Variants in ST3GAL6 observed in about 807,000 individuals in gnomAD.
ST3GAL6 encodes ST3 beta-galactoside alpha-2,3-sialyltransferase 6, also known as type 2 lactosamine alpha-2,3-sialyltransferase.
Under a neutral mutation model 40.5 loss-of-function variants are expected in ST3GAL6, and 31 were observed. That is an observed-to-expected ratio of 0.77 (90% CI 0.58 to 1.03). The LOEUF is 1.03. Among genes scored for constraint, ST3GAL6 ranks in the 50% least tolerant of loss-of-function variants. ST3GAL6 has a pLI of 0.00. For missense variants in ST3GAL6, 357 were observed against 393.2 expected, an observed-to-expected ratio of 0.91 and a Z score of 0.78; for synonymous variants, 129 against 136.9, an observed-to-expected ratio of 0.94 and a Z score of 0.40.
chr3:98,760,981 A>T (rs914490446), upstream of ST3GAL6, among the ~76,000 whole-genome samples: 5 of 152,212 alleles, frequency 3.3e-5, no homozygotes, highest in Non-Finnish European at 7.3e-5. Context: ...GATATATATT[A>T]TATGATTCAA....
Position 98,769,898 on chromosome 3 carries a change from T to A in ST3GAL6, c.90-981T>A, listed in dbSNP as rs114261953. Reference sequence around the variant, plus strand: ...ATATAATTGAGATTTTTTGGTCTAGTGTGCTGGTCCACCATATTTATGTAT... The same window carrying A: ...ATATAATTGAGATTTTTTGGTCTAGAGTGCTGGTCCACCATATTTATGTAT... On this transcript the variant is annotated intron_variant, in intron 2 of 9. Transcript: ENST00000483910. Among the ~76,000 whole-genome samples, 543 of 152,334 alleles carry A rather than the reference T, an allele frequency of 3.6e-3. 2 individuals are homozygous for A. The highest frequency in any genetic ancestry group is 5.9e-3 in the Non-Finnish European group (404 of 68,036).
At chr3:98,747,909 A>G (rs965152152) in intron 1 of ST3GAL6, among the ~76,000 whole-genome samples, 3 of 152,210 alleles carry the variant, frequency 2.0e-5, no homozygotes, top group Admixed American at 6.5e-5. Flanking sequence ...GGGGTAGGGA[A>G]GGGACCATAA....
chr3:98,759,659 C>A (rs144649707), upstream of ST3GAL6, among the ~76,000 whole-genome samples: 1 of 151,768 alleles, frequency 6.6e-6, no homozygotes, highest in Non-Finnish European at 1.5e-5. Flanking sequence ...TAGTATGATA[C>A]GTAAGTCCTC....
intron 6 of ST3GAL6, among the ~76,000 whole-genome samples, chr3:98,786,606 A>G (rs909178287): frequency 3.3e-5 from 5 of 152,176 alleles, no homozygotes; most frequent in Admixed American, 6.5e-5. Context: ...ATGTAGAGAA[A>G]CCAATGTAGT....
chr3:98,788,544 G>A (rs1334979894), intron 8 of ST3GAL6, 81 bp downstream of exon 8: 2 of 1,311,798 alleles, frequency 1.5e-6, no homozygotes, highest in Non-Finnish European at 2.0e-6. Context: ...CTCAGAAACT[G>A]TATGAGAACC....
At chr3:98,782,379 T>C (rs1320461651) in intron 5 of ST3GAL6, 1 of 682,192 alleles carries the variant, frequency 1.5e-6, no homozygotes, top group East Asian at 2.7e-5. Flanking sequence ...ATGATGCCCT[T>C]GGAAGCTCAG....
At chr3:98,771,910 G>GA (rs5851137) in intron 3 of ST3GAL6, among the ~76,000 whole-genome samples, 1 of 150,908 alleles carries the variant, frequency 6.6e-6, no homozygotes, top group Non-Finnish European at 1.5e-5. Flanking sequence ...TATATAATAA[G>GA]AAAAAAAAAG....
At chr3:98,778,426 T>C (rs1939756462) in intron 5 of ST3GAL6, among the ~76,000 whole-genome samples, 1 of 152,242 alleles carries the variant, frequency 6.6e-6, no homozygotes, top group Non-Finnish European at 1.5e-5. Flanking sequence ...CTCCCTACTT[T>C]AGACATTCTG....
At chr3:98,778,152 G>A (rs938285084) in intron 5 of ST3GAL6, among the ~76,000 whole-genome samples, 4 of 152,186 alleles carry the variant, frequency 2.6e-5, no homozygotes, top group African/African-American at 9.7e-5. Context: ...AGCACAGGTG[G>A]TTATATAGTA....
chr3:98,738,008 G>A (rs1391030185), intron 1 of ST3GAL6, among the ~76,000 whole-genome samples: 4 of 152,008 alleles, frequency 2.6e-5, no homozygotes, highest in Non-Finnish European at 4.4e-5. Flanking sequence ...GTTTCTAATC[G>A]TTTAACACCA....
At chr3:98,764,012 C>T (rs145078074) in intron 1 of ST3GAL6, among the ~76,000 whole-genome samples, 3 of 152,196 alleles carry the variant, frequency 2.0e-5, no homozygotes, top group African/African-American at 7.2e-5. Context: ...TTAGGAAGCA[C>T]CTGCTTCCAG....
intron 1 of ST3GAL6, among the ~76,000 whole-genome samples, chr3:98,739,704 G>A (rs768153059): frequency 1.6e-4 from 25 of 152,186 alleles, no homozygotes; most frequent in Non-Finnish European, 3.2e-4. Flanking sequence ...TCTATGGTTA[G>A]CATAGGGCCA....
chr3:98,788,297 G>C, intron 7 of ST3GAL6, 29 bp from the exon 8 acceptor site: 1 of 1,600,386 alleles, frequency 6.2e-7, no homozygotes, highest in Non-Finnish European at 8.5e-7. Context: ...CAGCCACACT[G>C]TTCTATTCTC....
In ST3GAL6 at chr3:98,793,850, AAAT is replaced by A; in HGVS notation, c.*93_*95del. 1.4e-6 allele frequency: 1 copy of A among 726,862 alleles called. No homozygotes were observed. Among genetic ancestry groups the A allele is most frequent in the Non-Finnish European group, 2.2e-6 (1 of 452,900 alleles). The allele number at this position is 726,862 out of a possible 1,614,324, so 45.0% of individuals were successfully genotyped here. ...TTAAAATATGTTGGATGCACTCGTCAAATAATTATGTATACTGTCTGTTGCTGC... is the reference window on the plus strand; with the variant it reads ...TTAAAATATGTTGGATGCACTCGTCAAATTATGTATACTGTCTGTTGCTGC... On this transcript the variant is annotated 3_prime_UTR_variant, in exon 10 of 10. Coordinates refer to ENST00000483910, the MANE Select transcript of ST3GAL6 (RefSeq NM_001323368.2).
chr3:98,745,255 A>G (rs1936457562), intron 1 of ST3GAL6, among the ~76,000 whole-genome samples: 1 of 152,170 alleles, frequency 6.6e-6, no homozygotes, highest in Admixed American at 6.5e-5. Context: ...GTTGGTCTCA[A>G]ACTCCTGACC....
At chr3:98,737,182 G>A (rs1935619101) in intron 1 of ST3GAL6, among the ~76,000 whole-genome samples, 2 of 152,104 alleles carry the variant, frequency 1.3e-5, no homozygotes, top group Admixed American at 6.5e-5. Flanking sequence ...CCAAGTAGCT[G>A]GGATTACAGG....
intron 1 of ST3GAL6, among the ~76,000 whole-genome samples, chr3:98,740,259 G>A (rs1471599297): frequency 7.0e-5 from 9 of 129,202 alleles, no homozygotes; most frequent in Non-Finnish European, 1.3e-4. Flanking sequence ...CAAATTTGAT[G>A]TGTATGGTTC....
intron 1 of ST3GAL6, among the ~76,000 whole-genome samples, chr3:98,735,644 A>C: frequency 6.6e-6 from 1 of 152,208 alleles, no homozygotes; most frequent in South Asian, 2.1e-4. Context: ...TTACATCCCC[A>C]CCCTCACAGT....
chr3:98,761,500 T>A (rs1222109260), upstream of ST3GAL6, among the ~76,000 whole-genome samples: 1 of 151,794 alleles, frequency 6.6e-6, no homozygotes, highest in African/African-American at 2.4e-5. Flanking sequence ...TCCCAGCTAC[T>A]TGGGAGGCTG....
Sources: allele counts gnomAD v4.1 joint callset (sites outside exome capture counted in the v4.1 genomes callset), GRCh38; gene constraint gnomAD v4.1.1; transcripts MANE v1.5; gene names NCBI Gene and HGNC (gene_info 2026-07-23, HGNC 2026-07-21).